The following RABGEF1 variants were observed in gnomAD, a reference collection of about 807,000 sequenced individuals.
RABGEF1 encodes RAB guanine nucleotide exchange factor 1, also known as rab5 GDP/GTP exchange factor.
In RABGEF1, 26 loss-of-function variants were observed where a neutral mutation model predicts 57.3. The observed-to-expected ratio is 0.45, with a 90% CI of 0.33 to 0.63. The LOEUF (loss-of-function observed/expected upper bound fraction) is 0.63, where lower values mean the gene tolerates loss of function less well. Ranked by LOEUF, RABGEF1 falls within the 20% of genes least tolerant of loss-of-function variation. RABGEF1 has a pLI of 0.02. For synonymous variants in RABGEF1, 185 were observed against 210.7 expected (o/e 0.88, Z 1.06); for missense variants, 464 against 607.6 (o/e 0.76, Z 2.48).
At chr7:66,781,095 C>T (rs1809778098) in intron 3 of RABGEF1, among the ~76,000 whole-genome samples, 1 of 151,988 alleles carries the variant, frequency 6.6e-6, no homozygotes, top group Non-Finnish European at 1.5e-5. Context: ...TTTATCCCAA[C>T]TTGTCTTAGT....
At position 66,684,472 on chromosome 7, in the gene RABGEF1, C is replaced by G. The variant is rs1396676037; in HGVS notation, c.-873+2214C>G. On this transcript the variant is annotated intron_variant and NMD_transcript_variant, in intron 1 of 9. Transcript: ENST00000607882. ...AAAACAAAACAAAACAAAACAAAAA[C>G]AAGAAAAGGTCTCTATCTGTCGTCC... Among the ~76,000 whole-genome samples the G allele has an allele frequency of 7.2e-5, 11 of 151,800 alleles. No individual in the cohort carries two copies. In the Admixed American group the frequency reaches 7.3e-4, roughly 10 times the overall value.
In RABGEF1 at chr7:66,688,405, C is replaced by G. The variant is rs1791028998; in HGVS notation, c.-873+6147C>G. ...GAGAGCACTTGAACAACATGATAAT[C>G]CAACTAGATCTAATGGACATTTACA... On this transcript the variant is annotated intron_variant and NMD_transcript_variant, in intron 1 of 9. Coordinates refer to the RABGEF1 transcript ENST00000607882. Among the ~76,000 whole-genome samples the G allele has an allele frequency of 2.6e-5, 4 of 152,160 alleles. No individual in the cohort carries two copies. The South Asian group carries it at 8.3e-4, about 31-fold the overall frequency.
intron 1 of RABGEF1, among the ~76,000 whole-genome samples, chr7:66,709,322 C>T (rs1794515170): frequency 6.6e-6 from 1 of 152,044 alleles, no homozygotes; most frequent in African/African-American, 2.4e-5. Flanking sequence ...TAAAATGCAT[C>T]TGTAATTGTT....
At chr7:66,721,279 G>A (rs533405190) in intron 2 of RABGEF1, among the ~76,000 whole-genome samples, 1 of 152,262 alleles carries the variant, frequency 6.6e-6, no homozygotes, top group East Asian at 1.9e-4. Flanking sequence ...AATTTAATAA[G>A]AGACATGTAT....
chr7:66,777,357 A>C (rs1259857338), intron 3 of RABGEF1, among the ~76,000 whole-genome samples: 1 of 152,108 alleles, frequency 6.6e-6, no homozygotes, highest in Non-Finnish European at 1.5e-5. Context: ...TGTGCATGAG[A>C]ACTCATGTCT....
chr7:66,766,592 T>C (rs1390419985), intron 1 of RABGEF1, among the ~76,000 whole-genome samples: 3 of 152,136 alleles, frequency 2.0e-5, no homozygotes, highest in Admixed American at 2.0e-4. Context: ...AACAGTAAAC[T>C]TGAGAGTTTT....
At chr7:66,734,597 ATTT>A (rs550927387) in intron 2 of RABGEF1, among the ~76,000 whole-genome samples, 7 of 119,728 alleles carry the variant, frequency 5.8e-5, no homozygotes, top group Admixed American at 1.7e-4. Flanking sequence ...TGCCTGGCTA[ATTT>A]TTTTTTTTTT....
At chr7:66,770,857 TTC>T (rs1806933883) in intron 1 of RABGEF1, among the ~76,000 whole-genome samples, 2 of 152,208 alleles carry the variant, frequency 1.3e-5, no homozygotes, top group South Asian at 4.1e-4. Context: ...TGATTTGCAT[TTC>T]CCTGATGATT....
At chr7:66,685,843 C>T (rs1022222339) in intron 1 of RABGEF1, among the ~76,000 whole-genome samples, 5 of 152,126 alleles carry the variant, frequency 3.3e-5, no homozygotes, top group South Asian at 2.1e-4. Flanking sequence ...ATTTCTGGCA[C>T]GTGGGGTTTT....
upstream of RABGEF1, among the ~76,000 whole-genome samples, chr7:66,679,080 G>A (rs763707135): frequency 4.6e-5 from 7 of 152,104 alleles, no homozygotes; most frequent in Non-Finnish European, 8.8e-5. Flanking sequence ...CCATATTGAC[G>A]TTGGTTTGGC....
chr7:66,707,360 GT>G (rs201062667), intron 1 of RABGEF1, among the ~76,000 whole-genome samples: 1 of 151,524 alleles, frequency 6.6e-6, no homozygotes, highest in African/African-American at 2.4e-5. Context: ...CATACATTCT[GT>G]TTTTTTTCTG....
intron 1 of RABGEF1, chr7:66,748,871 C>T (rs577371582): frequency 1.1e-4 from 27 of 238,556 alleles, no homozygotes; most frequent in African/African-American, 6.2e-4. Flanking sequence ...ACTGTTTCAG[C>T]ACCTTATTGA....
intron 2 of RABGEF1, among the ~76,000 whole-genome samples, chr7:66,718,052 T>G (rs1369382011): frequency 1.3e-5 from 2 of 152,128 alleles, no homozygotes; most frequent in African/African-American, 4.8e-5. Flanking sequence ...ATATTCTCCC[T>G]TAGAAAACTA....
chr7:66,677,044 T>G, the RABGEF1 span, among the ~76,000 whole-genome samples: 1 of 152,208 alleles, frequency 6.6e-6, no homozygotes, highest in Non-Finnish European at 1.5e-5. Context: ...CTAAGAGTTT[T>G]GTATTTTTCA....
chr7:66,800,699 G>A (rs889593154), intron 7 of RABGEF1, among the ~76,000 whole-genome samples: 1 of 152,210 alleles, frequency 6.6e-6, no homozygotes, highest in Non-Finnish European at 1.5e-5. Context: ...TTCAAGATCA[G>A]CTGGTTTACA....
intron 2 of RABGEF1, among the ~76,000 whole-genome samples, chr7:66,718,538 T>A (rs755731158): frequency 6.6e-6 from 1 of 151,108 alleles, no homozygotes; most frequent in Non-Finnish European, 1.5e-5. Flanking sequence ...TGTTACGTGG[T>A]TAAATTCTAT....
chr7:66,745,981 A>C (rs549337672), intron 1 of RABGEF1, among the ~76,000 whole-genome samples: 1 of 152,192 alleles, frequency 6.6e-6, no homozygotes, highest in Non-Finnish European at 1.5e-5. Flanking sequence ...GTTTCATAGT[A>C]CAGGCCAAAC....
chr7:66,662,500 G>T, the RABGEF1 span, among the ~76,000 whole-genome samples: 1 of 152,190 alleles, frequency 6.6e-6, no homozygotes, highest in South Asian at 2.1e-4. Flanking sequence ...TGCCAGCTGA[G>T]GGTGTCTGAG....
chr7:66,753,700 C>CTTTTTTTTTTTTTTTTTTTTT (rs1562788670), intron 1 of RABGEF1, among the ~76,000 whole-genome samples: 1 of 78,510 alleles, frequency 1.3e-5, no homozygotes. Flanking sequence ...ATTTTGCCAT[C>CTTTTTTTTTTTTTTTTTTTTT]GTTTTTTTTT....
Sources: allele counts gnomAD v4.1 joint callset (sites outside exome capture counted in the v4.1 genomes callset), GRCh38; gene constraint gnomAD v4.1.1; transcripts MANE v1.5; gene names NCBI Gene and HGNC (gene_info 2026-07-23, HGNC 2026-07-21).